Variants in ZNF296 observed in about 807,000 individuals in gnomAD.
The protein encoded by ZNF296 is zinc finger protein 342.
Under a neutral mutation model 13.2 loss-of-function variants are expected in ZNF296, and 1 was observed. The observed-to-expected ratio is 0.08, with a 90% confidence interval of 0.03 to 0.36. The LOEUF is 0.36. Ranked by LOEUF, ZNF296 falls within the 10% of genes least tolerant of loss-of-function variation. ZNF296 has a pLI of 0.99. For missense variants in ZNF296, 555 were observed against 688.2 expected (o/e 0.81, Z 2.16); for synonymous variants, 303 against 289.0 (o/e 1.05, Z -0.49).
Position 45,075,744 on chromosome 19 carries a change from G to A in ZNF296, c.417C>T (p.Leu139=). ...FMDHKKLGCQ[L]FRGPSRGQGS... ...CCTGGCCGCGGCTGGGGCCTCTGAA[G>A]AGCTGACAGCCCAGCTTCTTGTGGT... The change falls in exon 2 of 3, where the codon CTC becomes CTT. Residue 139 remains leucine, a synonymous_variant. Coordinates refer to ENST00000303809, the MANE Select transcript of ZNF296 (RefSeq NM_145288.3). 6.2e-7 allele frequency: 1 copy of A among 1,614,150 alleles called. No homozygotes were observed.
rs1967343084 is a variant in ZNF296 at position 45,076,114 on chromosome 19, G to A, written c.260C>T (p.Pro87Leu). The change falls in exon 1 of 3, where the codon CCG (proline) becomes CTG (leucine). Residue 87 changes from proline (P) to leucine (L), a missense_variant. Pro to Leu is a moderately conservative substitution (Grantham distance 98). Around this residue, in one of 3 missense-constraint regions of ZNF296, gnomAD observed 137 missense variants for 121.9 expected, o/e 1.12. Transcript: ENST00000303809. The surrounding 1 kb of genome is among the most constrained non-coding windows in gnomAD (Gnocchi z 4.9). Reference sequence around the variant, plus strand: ...GGTCAACGGCGTCCACAGGGTCCACGGGTTCCGCGGGCCGAGGGCGAGGAG... The same window carrying A: ...GGTCAACGGCGTCCACAGGGTCCACAGGTTCCGCGGGCCGAGGGCGAGGAG... ...AALLALGPRN[P>L]WTLWTPLTPN... The A allele has an allele frequency of 1.3e-6, 2 of 1,572,724 alleles. No individual in the cohort carries two copies. The highest frequency in any genetic ancestry group is 8.6e-7 in the Non-Finnish European group (1 of 1,165,072).
At position 45,076,211 on chromosome 19, in the gene ZNF296, C is replaced by T; in HGVS notation, c.163G>A (p.Glu55Lys). The change falls in exon 1 of 3, where the codon GAG becomes AAG. Residue 55 changes from glutamate (E) to lysine (K), a missense_variant. By Grantham distance (56) the Glu-to-Lys change is moderately conservative (BLOSUM62 1). Around this residue, in one of 3 missense-constraint regions of ZNF296, gnomAD observed 137 missense variants for 121.9 expected, o/e 1.12. Coordinates refer to ENST00000303809, the MANE Select transcript of ZNF296 (RefSeq NM_145288.3). The surrounding 1 kb of genome is among the most constrained non-coding windows in gnomAD (Gnocchi z 4.9). ...CCGAACCGCCCCGCCGAGGACACCTCCTTCGGGGAGAAGGGCCCCAGCCTT... is the reference window on the plus strand; with the variant it reads ...CCGAACCGCCCCGCCGAGGACACCTTCTTCGGGGAGAAGGGCCCCAGCCTT... Reference protein sequence around the residue: ...APRLGPFSPKEVSSAGRFGGE... With the variant: ...APRLGPFSPKKVSSAGRFGGE... The T allele has an allele frequency of 6.6e-7, 1 of 1,505,644 alleles. No individual in the cohort carries two copies. Among genetic ancestry groups the T allele is most frequent in the East Asian group, 2.5e-5 (1 of 40,598 alleles). 93.3% of individuals were successfully genotyped at this position (1,505,644 alleles called of 1,614,324 possible).
At chr19:45,074,307 G>A (rs754483895) in intron 2 of ZNF296, among the ~76,000 whole-genome samples, 2 of 152,136 alleles carry the variant, frequency 1.3e-5, no homozygotes, top group African/African-American at 2.4e-5. Context: ...GTTGCAGTGA[G>A]CTGAGATTGC....
intron 2 of ZNF296, among the ~76,000 whole-genome samples, chr19:45,073,253 C>G (rs955600995): frequency 1.3e-5 from 2 of 150,778 alleles, no homozygotes; most frequent in African/African-American, 2.4e-5. Context: ...GGATTTCAAT[C>G]CAGACTACTG....
intron 2 of ZNF296, among the ~76,000 whole-genome samples, chr19:45,073,243 G>A (rs1694266393): frequency 6.6e-6 from 1 of 151,536 alleles, no homozygotes; most frequent in Admixed American, 6.6e-5. Context: ...GGTGAAGCTG[G>A]GATTTCAATC....
Position 45,076,347 on chromosome 19 carries a change from C to T in ZNF296, c.27G>A (p.Ala9=). 7.4e-7 allele frequency: 1 copy of T among 1,358,174 alleles called. No individual in the cohort carries two copies. Among genetic ancestry groups the T allele is most frequent in the Non-Finnish European group, 9.5e-7 (1 of 1,051,798 alleles). The allele number at this position is 1,358,174 out of a possible 1,614,324, so 84.1% of individuals were successfully genotyped here. A position where few individuals can be genotyped will look rare whatever the true frequency, so the allele number is the denominator to read the frequency against. The change falls in exon 1 of 3, where the codon GCG becomes GCA. Residue 9 remains alanine, a synonymous_variant. Transcript: ENST00000303809. The surrounding 1 kb of genome is among the most constrained non-coding windows in gnomAD (Gnocchi z 4.9). MSRRKAGS[A]PRRVEPAPAA... is the part of the protein sequence containing the mutation. The stretch of plus-strand genomic sequence containing the variant: ...CGGGCGCGGGCTCTACTCGGCGGGG[C>T]GCGCTGCCGGCCTTGCGGCGGGACA...
Position 45,072,095 on chromosome 19 carries a change from C to T in ZNF296, c.934G>A (p.Ala312Thr). The change falls in exon 3 of 3, where the codon GCC becomes ACC. Residue 312 changes from alanine (A) to threonine (T), a missense_variant. Ala to Thr is a moderately conservative substitution (Grantham distance 58). This residue lies in a region of ZNF296 where 410 missense variants were observed against 548.0 expected (regional missense o/e 0.75). Transcript: ENST00000303809. Reference protein sequence around the residue: ...APPEPAVHAAAPTSTLPCSGG... With the variant: ...APPEPAVHAATPTSTLPCSGG... The stretch of plus-strand genomic sequence containing the variant: ...CTGCATGGAAGGGTGCTGGTGGGGG[C>T]AGCAGCATGGACAGCCGGCTCCGGA... The T allele has an allele frequency of 6.2e-7, 1 of 1,611,276 alleles. No individual in the cohort carries two copies. The highest frequency in any genetic ancestry group is 8.5e-7 in the Non-Finnish European group (1 of 1,179,076).
In ZNF296 at chr19:45,071,739, G is replaced by A. The variant is rs1332866287; in HGVS notation, c.1290C>T (p.Asn430=). 6.2e-7 allele frequency: 1 copy of A among 1,608,914 alleles called. No individual in the cohort carries two copies. Among genetic ancestry groups the A allele is most frequent in the Admixed American group, 1.7e-5 (1 of 59,726 alleles). ...TCATGCCGTGCATGCGGCGGTGGCG[G>A]TTGAGCTTACTGCTCTGGGCGCAGG... ...NYACAQSSKL[N]RHRRMHGMTP... Residue 430 remains asparagine (N), a synonymous_variant, in exon 3 of 3, where the codon AAC becomes AAT. Coordinates refer to ENST00000303809, the MANE Select transcript of ZNF296 (RefSeq NM_145288.3).
rs765379063 is a variant in ZNF296 at position 45,072,601 on chromosome 19, AGT to A, written c.449-23_449-22del. 4.4e-6 allele frequency: 7 copies of A among 1,574,972 alleles called. No individual in the cohort carries two copies. The Admixed American group carries it at 9.1e-5, about 20-fold the overall frequency. ...TCGTTCTGGTAAGAAAAAGAGGCAG[AGT>A]GTTAGTGCGGACAGCTGCCAGCTGG... On this transcript the variant is annotated intron_variant, in intron 2 of 2. Transcript: ENST00000303809.
chr19:45,075,177 G>A (rs1169967734), intron 2 of ZNF296, among the ~76,000 whole-genome samples: 1 of 152,182 alleles, frequency 6.6e-6, no homozygotes, highest in Non-Finnish European at 1.5e-5. Context: ...CCCAGCACGC[G>A]GGGCTGGGAG....
At chr19:45,075,524 G>GC (rs983785709) in intron 2 of ZNF296, among the ~76,000 whole-genome samples, 189 bp downstream of exon 2, 16 of 103,626 alleles carry the variant, frequency 1.5e-4, no homozygotes, top group African/African-American at 4.6e-4. Context: ...GTCCCCCCCC[G>GC]CCCCCCCTCC....
Position 45,072,399 on chromosome 19 carries a change from C to T in ZNF296, c.630G>A (p.Val210=), listed in dbSNP as rs770648143. 5.0e-6 allele frequency: 8 copies of T among 1,612,194 alleles called. No individual in the cohort carries two copies. In the African/African-American group the frequency reaches 1.1e-4, roughly 22 times the overall value. Residue 210 remains valine (V), a synonymous_variant, in exon 3 of 3, where the codon GTG becomes GTA. Coordinates refer to ENST00000303809, the MANE Select transcript of ZNF296 (RefSeq NM_145288.3). ...GGCTCTTGGCCTCAGCTGCTGGCCCCACCACTGCCGACACGGCTGCAGCCA... is the reference window on the plus strand; with the variant it reads ...GGCTCTTGGCCTCAGCTGCTGGCCCTACCACTGCCGACACGGCTGCAGCCA... The part of the protein sequence containing the change: ...AEVAAAVSAV[V]GPAAEAKSPR...
intron 2 of ZNF296, among the ~76,000 whole-genome samples, chr19:45,074,682 T>C (rs1404362282): frequency 6.6e-6 from 1 of 152,116 alleles, no homozygotes; most frequent in African/African-American, 2.4e-5. Context: ...TCTGTGTGCC[T>C]CAGTTGCTAG....
rs753273900 is a variant in ZNF296, at chr19:45,076,329, G to A, written c.45C>T (p.Pro15=). 7.1e-7 allele frequency: 1 copy of A among 1,404,040 alleles called. No homozygotes were observed. Among genetic ancestry groups the A allele is most frequent in the Non-Finnish European group, 9.3e-7 (1 of 1,076,122 alleles). The allele number at this position is 1,404,040 out of a possible 1,614,324, so 87.0% of individuals were successfully genotyped here. The change falls in exon 1 of 3, where the codon CCC becomes CCT. Residue 15 remains proline, a synonymous_variant. Transcript: ENST00000303809. This position sits in a 1 kb window ranked among gnomAD's most constrained non-coding sequence, Gnocchi z 4.9. ...CGTCGTCTGGGTTGGCGGCGGGCGCGGGCTCTACTCGGCGGGGCGCGCTGC... is the reference window on the plus strand; with the variant it reads ...CGTCGTCTGGGTTGGCGGCGGGCGCAGGCTCTACTCGGCGGGGCGCGCTGC... ...KAGSAPRRVE[P]APAANPDDEM...
chr19:45,071,516 T>G lies in ZNF296; in HGVS notation c.*85A>C. ...AGACGGGTGTAAATAAAAGGGAAAA[T>G]TTACTTGGAGAAGGCGGGCAAAAAC... is the stretch of plus-strand genomic sequence containing the variant. On this transcript the variant is annotated 3_prime_UTR_variant, in exon 3 of 3. Transcript: ENST00000303809. The G allele has an allele frequency of 6.7e-7, 1 of 1,484,274 alleles. No homozygotes were observed. Among genetic ancestry groups the G allele is most frequent in the Non-Finnish European group, 8.9e-7 (1 of 1,124,672 alleles). 91.9% of individuals were successfully genotyped at this position (1,484,274 alleles called of 1,614,324 possible).
chr19:45,072,149 TGTC>T lies in ZNF296; in HGVS notation c.877_879del (p.Asp293del). 6.2e-7 allele frequency: 1 copy of T among 1,602,276 alleles called. No homozygotes were observed. The highest frequency in any genetic ancestry group is 1.1e-5 in the South Asian group (1 of 89,894). On this transcript the variant is annotated inframe_deletion, in exon 3 of 3. Coordinates refer to ENST00000303809, the MANE Select transcript of ZNF296 (RefSeq NM_145288.3). ...GCTGCAGAGGCCTGCTCCTGGCTGG[TGTC>T]GGCCATGAGGGGGCTCTGGGGCGGC...
intron 2 of ZNF296, 88 bp downstream of exon 2, chr19:45,075,625 T>C: frequency 6.8e-7 from 1 of 1,479,544 alleles, no homozygotes. Flanking sequence ...GAAGTAGTGC[T>C]CAGTGCCCTG....
rs1444638112 is a variant in ZNF296 at position 45,075,815 on chromosome 19, G to A, written c.346C>T (p.Arg116Cys). The change falls in exon 2 of 3, where the codon CGC becomes TGC. Residue 116 changes from arginine (R) to cysteine (C), a missense_variant. Arg to Cys is a radical substitution (Grantham distance 180). Coordinates refer to ENST00000303809, the MANE Select transcript of ZNF296 (RefSeq NM_145288.3). ...TCCAACGGGAAGGTCTGCAGGCAGC[G>A]GCCGCAGGTCAACAGATCTGGGTGT... ...DKHPDLLTCG[R>C]CLQTFPLEAI... 1.2e-6 allele frequency: 2 copies of A among 1,614,122 alleles called. No individual in the cohort carries two copies. Among genetic ancestry groups the A allele is most frequent in the South Asian group, 1.1e-5 (1 of 91,080 alleles).
intron 2 of ZNF296, among the ~76,000 whole-genome samples, chr19:45,073,979 A>T (rs1284323863): frequency 6.6e-6 from 1 of 151,614 alleles, no homozygotes; most frequent in Non-Finnish European, 1.5e-5. Context: ...CCGAGATCCC[A>T]CCACTGCACT....
Sources: gnomAD v4.1 joint callset for allele counts (sites outside exome capture counted in the v4.1 genomes callset) on GRCh38, gnomAD v4.1.1 for gene constraint, gnomAD v4.1.1 regional missense constraint, Gnocchi (gnomAD v3.1) non-coding constraint, MANE v1.5 for transcripts, NCBI Gene and HGNC (gene_info 2026-07-23, HGNC 2026-07-21) for gene names.